Variants in PCDH17 observed in about 807,000 individuals in gnomAD.
The protein encoded by PCDH17 is protocadherin 17, also known as protocadherin-17.
In PCDH17, 21 loss-of-function variants were observed where a neutral mutation model predicts 67.7. The ratio of observed to expected loss-of-function variants is 0.31; its 90% confidence interval spans 0.22 to 0.45. PCDH17 has a LOEUF of 0.45. Ranked by LOEUF, PCDH17 falls within the 20% of genes least tolerant of loss-of-function variation. The pLI is 1.00. For missense variants in PCDH17, 1,471 were observed against 1,564.8 expected (o/e 0.94, Z 1.01); for synonymous variants, 701 against 656.7 (o/e 1.07, Z -1.03).
At position 57,634,134 on chromosome 13, in the gene PCDH17, A is replaced by G; in HGVS notation, c.1588A>G (p.Thr530Ala). 1 of 1,613,534 alleles carries G rather than the reference A, an allele frequency of 6.2e-7. No individual in the cohort carries two copies. Among genetic ancestry groups the G allele is most frequent in the Non-Finnish European group, 8.5e-7 (1 of 1,179,994 alleles). The part of the protein sequence containing the change: ...SIYTYVSVNP[T>A]NGAIYALRSF... ...CTACACCTATGTGTCTGTGAATCCC[A>G]CGAACGGGGCCATCTACGCCCTGCG... is the stretch of plus-strand genomic sequence containing the variant. Residue 530 changes from threonine to alanine, a missense_variant, in exon 1 of 4, where the codon ACG (threonine) becomes GCG (alanine). Coordinates refer to ENST00000377918, the MANE Select transcript of PCDH17 (RefSeq NM_001040429.3). The surrounding 1 kb of genome is among the most constrained non-coding windows in gnomAD (Gnocchi z 7.8).
chr13:57,724,991 A>G lies in PCDH17; in HGVS notation c.3177A>G (p.Ala1059=). ...STKGSLDGCE[A]KPGALAEASS... ...AAGGCTCCCTGGATGGCTGTGAAGC[A>G]AAACCAGGAGCCCTGGCTGAAGCAA... Residue 1059 remains alanine, a synonymous_variant, in exon 4 of 4, where the codon GCA becomes GCG. Transcript: ENST00000377918. 6.2e-7 allele frequency: 1 copy of G among 1,614,184 alleles called. No individual in the cohort carries two copies. The highest frequency in any genetic ancestry group is 8.5e-7 in the Non-Finnish European group (1 of 1,180,020).
rs192143013 is a variant in PCDH17, at chr13:57,707,155, G to T, written c.2798-17457G>T. Among the ~76,000 whole-genome samples, 710 of 152,042 alleles carry T rather than the reference G, an allele frequency of 4.7e-3. 2 individuals carry two copies. Among genetic ancestry groups the T allele is most frequent in the Middle Eastern group, 0.01 (3 of 294 alleles). ...AAGAATCCAAGTTCATCACTTACAA[G>T]TTCTACCTTCTACTTAGTAGTAGAT... On this transcript the variant is annotated intron_variant, in intron 3 of 3. Transcript: ENST00000377918.
chr13:57,648,906 A>T (rs1351518153), intron 1 of PCDH17, among the ~76,000 whole-genome samples: 4 of 152,026 alleles, frequency 2.6e-5, no homozygotes, highest in Non-Finnish European at 4.4e-5. Context: ...TCTTTCTAGG[A>T]TATTTTTATG....
rs1402657294 is a variant in PCDH17 at position 57,633,911 on chromosome 13, C to A, written c.1365C>A (p.Thr455=). ...GGGGCTCTCCTCCCCTCAACTCCAC[C>A]AAGTCGTTCGCGATCAAGATTCTAG... The part of the protein sequence containing the change: ...RDGGSPPLNS[T]KSFAIKILDE... Residue 455 remains threonine (T), a synonymous_variant, in exon 1 of 4, where the codon ACC becomes ACA. Transcript: ENST00000377918. The surrounding 1 kb of genome is among the most constrained non-coding windows in gnomAD (Gnocchi z 6.2). 7.4e-6 allele frequency: 12 copies of A among 1,613,222 alleles called. No individual in the cohort carries two copies. The highest frequency in any genetic ancestry group is 1.0e-5 in the Non-Finnish European group (12 of 1,180,040).
At chr13:57,676,645 G>A (rs1351040596) in intron 3 of PCDH17, among the ~76,000 whole-genome samples, 1 of 151,832 alleles carries the variant, frequency 6.6e-6, no homozygotes, top group Non-Finnish European at 1.5e-5. Context: ...ACGTTAAGAA[G>A]CTAGGAAGAG....
At chr13:57,707,033 A>G (rs2138083506) in intron 3 of PCDH17, among the ~76,000 whole-genome samples, 1 of 152,178 alleles carries the variant, frequency 6.6e-6, no homozygotes, top group African/African-American at 2.4e-5. Context: ...TTTGTTAAAG[A>G]AATTGCCAAA....
At chr13:57,652,433 C>A (rs1955054259) in intron 1 of PCDH17, among the ~76,000 whole-genome samples, 1 of 152,104 alleles carries the variant, frequency 6.6e-6, no homozygotes, top group Non-Finnish European at 1.5e-5. Flanking sequence ...TTAAGAGTGA[C>A]AAACTTTTGG....
At chr13:57,669,517 TGTCA>T (rs1955295452) in intron 3 of PCDH17, among the ~76,000 whole-genome samples, 1 of 152,088 alleles carries the variant, frequency 6.6e-6, no homozygotes, top group African/African-American at 2.4e-5. Flanking sequence ...TTTATCTATC[TGTCA>T]GTCTGTCTTT....
chr13:57,640,711 G>A (rs537423194), intron 1 of PCDH17, among the ~76,000 whole-genome samples: 5 of 152,130 alleles, frequency 3.3e-5, no homozygotes, highest in Non-Finnish European at 5.9e-5. Context: ...CTTTTGAGAA[G>A]ATGGCAGGAG....
At chr13:57,673,250 C>G (rs1253652889) in intron 3 of PCDH17, among the ~76,000 whole-genome samples, 1 of 151,906 alleles carries the variant, frequency 6.6e-6, no homozygotes, top group Non-Finnish European at 1.5e-5. Flanking sequence ...TCTTCAGACC[C>G]CCAGTAAAAC....
Position 57,715,096 on chromosome 13 carries a change from G to A in PCDH17, c.2798-9516G>A, listed in dbSNP as rs9563523. ...AGGATTTATCTCATAATTTAAAATGGTATTTTCAATAATAAATAGATAACT... is the reference window on the plus strand; with the variant it reads ...AGGATTTATCTCATAATTTAAAATGATATTTTCAATAATAAATAGATAACT... On this transcript the variant is annotated intron_variant, in intron 3 of 3. Coordinates refer to ENST00000377918, the MANE Select transcript of PCDH17 (RefSeq NM_001040429.3). 3.5e-3 allele frequency among the ~76,000 whole-genome samples: 538 copies of A among 151,768 alleles called. 8 individuals are homozygous for A. The East Asian group carries it at 0.056, about 16-fold the overall frequency.
Position 57,632,400 on chromosome 13 carries a change from C to T in PCDH17, c.-147C>T, listed in dbSNP as rs1954736860. 1 of 734,724 alleles carries T rather than the reference C, an allele frequency of 1.4e-6. No homozygotes were observed. Among genetic ancestry groups the T allele is most frequent in the Non-Finnish European group, 2.2e-6 (1 of 451,656 alleles). 45.5% of individuals were successfully genotyped at this position (734,724 alleles called of 1,614,324 possible). ...AGAATAAGGAGAGACCACCGGGTGC[C>T]GCAGCTCGGGTGCAGAGGGAAAAAA... is the stretch of plus-strand genomic sequence containing the variant. On this transcript the variant is annotated 5_prime_UTR_variant, in exon 1 of 4. Transcript: ENST00000377918.
intron 1 of PCDH17, among the ~76,000 whole-genome samples, chr13:57,654,986 G>C (rs777835973): frequency 2.6e-5 from 4 of 151,750 alleles, no homozygotes; most frequent in African/African-American, 4.8e-5. Context: ...TAGAAGGTTG[G>C]GGATTTCAAA....
At chr13:57,679,217 T>C (rs1955424221) in intron 3 of PCDH17, among the ~76,000 whole-genome samples, 1 of 151,494 alleles carries the variant, frequency 6.6e-6, no homozygotes, top group East Asian at 1.9e-4. Context: ...TTTTCCTTTT[T>C]AAAATTCTTG....
chr13:57,678,374 C>A (rs1955415216), intron 3 of PCDH17, among the ~76,000 whole-genome samples: 1 of 151,302 alleles, frequency 6.6e-6, no homozygotes, highest in Admixed American at 6.6e-5. Context: ...TATACTGAGG[C>A]AGTTGATCCA....
At chr13:57,665,879 G>A (rs9316940) in intron 1 of PCDH17, among the ~76,000 whole-genome samples, 6 of 151,902 alleles carry the variant, frequency 3.9e-5, no homozygotes, top group Admixed American at 6.6e-5. Flanking sequence ...AATCCATTCC[G>A]ACTGGATTGT....
chr13:57,683,229 ACATCTT>A (rs1955472417), intron 3 of PCDH17, among the ~76,000 whole-genome samples: 1 of 151,878 alleles, frequency 6.6e-6, no homozygotes, highest in African/African-American at 2.4e-5. Context: ...GGCCTTATTA[ACATCTT>A]GACTGGGAGT....
intron 1 of PCDH17, among the ~76,000 whole-genome samples, chr13:57,663,651 C>T (rs1009885359): frequency 2.6e-5 from 4 of 152,182 alleles, no homozygotes; most frequent in Non-Finnish European, 4.4e-5. Context: ...ATTATACACA[C>T]ACACAATCTC....
chr13:57,684,603 A>G (rs1955489424), intron 3 of PCDH17, among the ~76,000 whole-genome samples: 1 of 151,912 alleles, frequency 6.6e-6, no homozygotes, highest in African/African-American at 2.4e-5. Flanking sequence ...CTAATTATTT[A>G]TGTGTTCATA....
Sources: allele counts gnomAD v4.1 joint callset (sites outside exome capture counted in the v4.1 genomes callset), GRCh38; gene constraint gnomAD v4.1.1; non-coding constraint Gnocchi (gnomAD v3.1); transcripts MANE v1.5; gene names NCBI Gene and HGNC (gene_info 2026-07-23, HGNC 2026-07-21).